The following MYO5B variants were observed in gnomAD, a reference collection of about 807,000 sequenced individuals.
The protein encoded by MYO5B is unconventional myosin-Vb.
Under a neutral mutation model 229.3 loss-of-function variants are expected in MYO5B, and 143 were observed. The ratio of observed to expected loss-of-function variants is 0.62; its 90% CI spans 0.54 to 0.72. The LOEUF (loss-of-function observed/expected upper bound fraction) is 0.72. MYO5B is among the 30% of genes least tolerant of loss of function. The probability of loss-of-function intolerance (pLI) is 0.00; values close to 1 mark genes in which losing one functional copy is unlikely to be tolerated. For synonymous variants in MYO5B, 918 were observed against 885.2 expected (o/e 1.04, Z -0.66); for missense variants, 2,321 against 2,331.0 (o/e 1.00, Z 0.09).
At chr18:49,870,498 C>A (rs2024444778) in intron 27 of MYO5B, among the ~76,000 whole-genome samples, 1 of 152,132 alleles carries the variant, frequency 6.6e-6, no homozygotes, top group Admixed American at 6.5e-5. Flanking sequence ...AGATGACCCA[C>A]AGAATGGGAG....
chr18:50,085,866 G>A (rs1423638472), intron 1 of MYO5B, among the ~76,000 whole-genome samples: 4 of 151,588 alleles, frequency 2.6e-5, no homozygotes, highest in African/African-American at 9.7e-5. Context: ...ATTGAACAAT[G>A]AGAACACATG....
rs1024927092 is a variant in MYO5B, at chr18:49,990,332, A to C, written c.838+107T>G. 6 of 911,066 alleles carry C rather than the reference A, an allele frequency of 6.6e-6. No homozygotes were observed. In the African/African-American group the frequency reaches 9.8e-5, roughly 15 times the overall value. 56.4% of individuals were successfully genotyped at this position (911,066 alleles called of 1,614,324 possible). A position where few individuals can be genotyped will look rare whatever the true frequency, so the allele number is the denominator to read the frequency against. On this transcript the variant is annotated intron_variant, in intron 7 of 39. Coordinates refer to ENST00000285039, the MANE Select transcript of MYO5B (RefSeq NM_001080467.3). ...GGGGTTATGGCCACATAAGAGGCAG[A>C]GCCGAGACAAGAACCCATGACGGAG...
intron 22 of MYO5B, among the ~76,000 whole-genome samples, chr18:49,891,820 A>T (rs898044765): frequency 6.6e-6 from 1 of 152,234 alleles, no homozygotes; most frequent in Non-Finnish European, 1.5e-5. Flanking sequence ...AAGGCAATCA[A>T]CTAGTGGCTA....
At position 49,835,379 on chromosome 18, in the gene MYO5B, C is replaced by T; in HGVS notation, c.5359G>A (p.Glu1787Lys). Residue 1787 changes from glutamate (E) to lysine (K), a missense_variant, in exon 39 of 40, where the codon GAA becomes AAA. By Grantham distance (56) the Glu-to-Lys change is moderately conservative. Around this residue, in one of 2 missense-constraint regions of MYO5B, gnomAD observed 208 missense variants for 286.3 expected, o/e 0.73. Transcript: ENST00000285039. The part of the protein sequence containing the change: ...NLYTPLNEFE[E>K]RVTVAFIRTI... ...CGTATAAAGGCCACTGTTACCCGTT[C>T]TTCAAATTCATTCAGGGGAGTATAA... 1 of 1,612,438 alleles carries T rather than the reference C, an allele frequency of 6.2e-7. No homozygotes were observed. Among genetic ancestry groups the T allele is most frequent in the Non-Finnish European group, 8.5e-7 (1 of 1,179,762 alleles).
At chr18:49,933,497 T>C (rs1485429164) in intron 16 of MYO5B, among the ~76,000 whole-genome samples, 1 of 152,230 alleles carries the variant, frequency 6.6e-6, no homozygotes, top group Non-Finnish European at 1.5e-5. Context: ...GGAAAAAGCC[T>C]TTTGTATAGG....
At chr18:50,019,190 G>A (rs534780698) in intron 4 of MYO5B, among the ~76,000 whole-genome samples, 21 of 152,298 alleles carry the variant, frequency 1.4e-4, no homozygotes, top group East Asian at 7.7e-4. Context: ...CCATAATCAC[G>A]TAGCTAGTAG....
chr18:50,039,630 G>A (rs954615414), intron 3 of MYO5B, among the ~76,000 whole-genome samples: 30 of 151,978 alleles, frequency 2.0e-4, no homozygotes, highest in Admixed American at 7.9e-4. Context: ...TGCGCCCGGC[G>A]GAAAGGAAAA....
intron 4 of MYO5B, among the ~76,000 whole-genome samples, chr18:50,012,468 C>G (rs1245864548): frequency 6.6e-6 from 1 of 152,200 alleles, no homozygotes; most frequent in East Asian, 1.9e-4. Flanking sequence ...GATAAATCAC[C>G]TAGAAATACA....
At chr18:49,972,122 A>G (rs2025698727) in intron 10 of MYO5B, among the ~76,000 whole-genome samples, 1 of 152,206 alleles carries the variant, frequency 6.6e-6, no homozygotes, top group South Asian at 2.1e-4. Flanking sequence ...AGCTGGCACT[A>G]GGAACAGGAG....
At chr18:50,138,034 G>C (rs541123555) in intron 1 of MYO5B, among the ~76,000 whole-genome samples, 3 of 152,072 alleles carry the variant, frequency 2.0e-5, no homozygotes, top group African/African-American at 7.2e-5. Context: ...TGGGTACTGG[G>C]CTTCATACCT....
chr18:49,979,890 A>C (rs893487619), intron 9 of MYO5B, among the ~76,000 whole-genome samples: 1 of 152,202 alleles, frequency 6.6e-6, no homozygotes, highest in Non-Finnish European at 1.5e-5. Flanking sequence ...TACCTACCAC[A>C]TATCAGTACT....
Position 49,962,907 on chromosome 18 carries a change from C to G in MYO5B, c.1404+42G>C. On this transcript the variant is annotated intron_variant, in intron 11 of 39. Transcript: ENST00000285039. ...GCCTGTCTGTCCCTCCCAGAGGAGTCCCCCCAATCCTGGTACCCCCAGGTC... is the reference window on the plus strand; with the variant it reads ...GCCTGTCTGTCCCTCCCAGAGGAGTGCCCCCAATCCTGGTACCCCCAGGTC... 4 of 1,528,572 alleles carry G rather than the reference C, an allele frequency of 2.6e-6. No individual in the cohort carries two copies. In the Admixed American group the frequency reaches 6.7e-5, roughly 26 times the overall value. 94.7% of individuals were successfully genotyped at this position (1,528,572 alleles called of 1,614,324 possible). A position where few individuals can be genotyped will look rare whatever the true frequency, so the allele number is the denominator to read the frequency against.
At chr18:49,886,622 T>G (rs2024644615) in intron 22 of MYO5B, among the ~76,000 whole-genome samples, 2 of 123,742 alleles carry the variant, frequency 1.6e-5, no homozygotes, top group Non-Finnish European at 3.3e-5. Flanking sequence ...TTATTATTCT[T>G]TGGCAATTTA....
chr18:49,872,092 T>A (rs2024461378), intron 27 of MYO5B, 75 bp downstream of exon 27: 3 of 1,423,696 alleles, frequency 2.1e-6, no homozygotes, highest in Non-Finnish European at 2.0e-6. Context: ...AGGGCCTGAT[T>A]TCCTGATGCC....
In MYO5B at chr18:49,984,837, G is replaced by A. The variant is rs373466300; in HGVS notation, c.839-12C>T. 2.1e-5 allele frequency: 33 copies of A among 1,553,604 alleles called. No individual in the cohort carries two copies. Among genetic ancestry groups the A allele is most frequent in the African/African-American group, 1.4e-4 (10 of 73,474 alleles). ...GTCCTCTGCACTTGCTGTGGGAGGC[G>A]AGGAAATAAGGCATGAGGCACTGGA... On this transcript the variant is annotated splice_polypyrimidine_tract_variant and intron_variant, in intron 7 of 39. Transcript: ENST00000285039.
At chr18:50,072,761 C>T (rs1330610999) in intron 1 of MYO5B, among the ~76,000 whole-genome samples, 1 of 152,088 alleles carries the variant, frequency 6.6e-6, no homozygotes, top group African/African-American at 2.4e-5. Flanking sequence ...GAAACCAGTA[C>T]AGGATTGCAT....
chr18:50,056,933 T>A (rs1404354844), intron 1 of MYO5B, among the ~76,000 whole-genome samples: 1 of 152,194 alleles, frequency 6.6e-6, no homozygotes, highest in African/African-American at 2.4e-5. Context: ...ATCTGTTTCA[T>A]TACTAAGAAA....
At chr18:50,083,475 A>T (rs1176969379) in intron 1 of MYO5B, among the ~76,000 whole-genome samples, 1 of 152,182 alleles carries the variant, frequency 6.6e-6, no homozygotes, top group East Asian at 1.9e-4. Context: ...TCTCAGTAGC[A>T]TACAAAAGAC....
chr18:50,084,176 G>A (rs917311655), intron 1 of MYO5B, among the ~76,000 whole-genome samples: 1 of 151,996 alleles, frequency 6.6e-6, no homozygotes, highest in Non-Finnish European at 1.5e-5. Flanking sequence ...AAAATGAAAA[G>A]AAGACTCTGT....
Sources: allele counts gnomAD v4.1 joint callset (sites outside exome capture counted in the v4.1 genomes callset), GRCh38; gene constraint gnomAD v4.1.1; regional missense constraint gnomAD v4.1.1; transcripts MANE v1.5; gene names NCBI Gene and HGNC (gene_info 2026-07-23, HGNC 2026-07-21).